The following SMYD3 variants were observed in gnomAD, a reference collection of about 807,000 sequenced individuals.
The protein encoded by SMYD3 is histone-lysine N-methyltransferase SMYD3.
In SMYD3, 36 loss-of-function variants were observed where a neutral mutation model predicts 57.7. The observed-to-expected ratio is 0.62, with a 90% confidence interval of 0.48 to 0.82. The LOEUF is 0.82. SMYD3 is among the 40% of genes least tolerant of loss of function. The pLI, the probability that SMYD3 is intolerant of heterozygous loss-of-function variation, is 0.00. For synonymous variants in SMYD3, 211 were observed against 195.0 expected (o/e 1.08, Z -0.68); for missense variants, 515 against 538.8 (o/e 0.96, Z 0.44).
chr1:246,156,122 T>C (rs567045454), intron 5 of SMYD3, among the ~76,000 whole-genome samples: 2 of 152,272 alleles, frequency 1.3e-5, no homozygotes, highest in East Asian at 3.9e-4. Flanking sequence ...TTGGCTCACA[T>C]ACCTAATTTG....
At chr1:245,983,237 T>C (rs2058637776) in intron 5 of SMYD3, among the ~76,000 whole-genome samples, 1 of 152,144 alleles carries the variant, frequency 6.6e-6, no homozygotes, top group Non-Finnish European at 1.5e-5. Context: ...GGGGTTGTGT[T>C]CCCATATTAG....
chr1:246,124,934 T>C (rs4654208), intron 5 of SMYD3, among the ~76,000 whole-genome samples: 76,139 of 151,742 alleles, frequency 0.5, 22,167 homozygotes, highest in Non-Finnish European at 0.67. Context: ...TAGCCGGGCG[T>C]GGTGGCGGGC....
At position 246,048,663 on chromosome 1, in the gene SMYD3, T is replaced by G. The variant is rs565304111; in HGVS notation, c.532-118726A>C. On this transcript the variant is annotated intron_variant, in intron 5 of 11. Coordinates refer to ENST00000490107, the MANE Select transcript of SMYD3 (RefSeq NM_001167740.2). ...TGGGCTTCACCACTTCCTAACCTTG[T>G]GAACTTCAGCAGCCTCCTTAAGTTC... Among the ~76,000 whole-genome samples, 86 of 152,272 alleles carry G rather than the reference T, an allele frequency of 5.6e-4. 1 individual carries two copies. The South Asian group carries it at 0.018, about 31-fold the overall frequency.
intron 5 of SMYD3, among the ~76,000 whole-genome samples, chr1:246,088,141 G>A (rs753342870): frequency 5.9e-5 from 9 of 152,098 alleles, no homozygotes; most frequent in Non-Finnish European, 1.2e-4. Flanking sequence ...ATGCACTTAT[G>A]AGCAGGAAAC....
chr1:245,894,064 A>T (rs2053576659), intron 8 of SMYD3, among the ~76,000 whole-genome samples: 1 of 152,222 alleles, frequency 6.6e-6, no homozygotes, highest in Non-Finnish European at 1.5e-5. Context: ...TGAGAGGTGA[A>T]GCCAGCTGGA....
chr1:246,304,720 G>A (rs1197629), intron 5 of SMYD3, among the ~76,000 whole-genome samples: 2,269 of 152,144 alleles, frequency 0.015, 31 homozygotes, highest in African/African-American at 0.035. Context: ...CAGCCTAATC[G>A]CTGTACAACT....
At chr1:245,950,196 T>C (rs568728588) in intron 5 of SMYD3, among the ~76,000 whole-genome samples, 3 of 152,274 alleles carry the variant, frequency 2.0e-5, no homozygotes, top group African/African-American at 7.2e-5. Flanking sequence ...AAGCCTGACC[T>C]AATACTGTTA....
intron 10 of SMYD3, among the ~76,000 whole-genome samples, chr1:245,773,634 T>C (rs1254244482): frequency 6.6e-6 from 1 of 152,210 alleles, no homozygotes; most frequent in Non-Finnish European, 1.5e-5. Context: ...AATGCTGTCC[T>C]TTTGCCTGTC....
At chr1:246,132,233 C>T (rs1035498200) in intron 5 of SMYD3, among the ~76,000 whole-genome samples, 3 of 152,012 alleles carry the variant, frequency 2.0e-5, no homozygotes, top group South Asian at 2.1e-4. Context: ...GATTGGAAGA[C>T]GGGCCTAAAC....
intron 5 of SMYD3, among the ~76,000 whole-genome samples, chr1:246,062,060 C>CA (rs2060263241): frequency 6.6e-6 from 1 of 152,060 alleles, no homozygotes; most frequent in South Asian, 2.1e-4. Context: ...AACCTCAAGC[C>CA]AAAACTTCAT....
At chr1:246,127,132 G>A (rs1447500449) in intron 5 of SMYD3, among the ~76,000 whole-genome samples, 1 of 152,070 alleles carries the variant, frequency 6.6e-6, no homozygotes, top group Non-Finnish European at 1.5e-5. Flanking sequence ...AATATCATTT[G>A]CTCATGATTA....
chr1:246,110,417 G>C (rs188519219), intron 5 of SMYD3, among the ~76,000 whole-genome samples: 17 of 152,354 alleles, frequency 1.1e-4, no homozygotes, highest in African/African-American at 3.4e-4. Flanking sequence ...AGAACACTCA[G>C]GGGGCTACGG....
At chr1:246,387,175 C>T (rs1333642685) in intron 1 of SMYD3, among the ~76,000 whole-genome samples, 3 of 152,102 alleles carry the variant, frequency 2.0e-5, no homozygotes, top group East Asian at 3.8e-4. Flanking sequence ...TTCTAACCAC[C>T]GCATGAGGCA....
At chr1:246,218,021 T>C (rs1323114255) in intron 5 of SMYD3, among the ~76,000 whole-genome samples, 1 of 147,442 alleles carries the variant, frequency 6.8e-6, no homozygotes, top group Non-Finnish European at 1.5e-5. Context: ...AAACAGAAAA[T>C]AAATAAACTA....
At chr1:245,943,091 GCAAA>G (rs2057308582) in intron 5 of SMYD3, among the ~76,000 whole-genome samples, 2 of 140,484 alleles carry the variant, frequency 1.4e-5, no homozygotes, top group Non-Finnish European at 3.0e-5. Flanking sequence ...AGAACCACGA[GCAAA>G]CAAACCCCAA....
chr1:245,765,072 A>G (rs2046016740), intron 10 of SMYD3, among the ~76,000 whole-genome samples: 1 of 151,264 alleles, frequency 6.6e-6, no homozygotes, highest in Non-Finnish European at 1.5e-5. Context: ...ACACACACAC[A>G]CACACAAAAC....
intron 1 of SMYD3, among the ~76,000 whole-genome samples, chr1:246,384,594 A>C (rs1317720722): frequency 6.6e-6 from 1 of 152,036 alleles, no homozygotes; most frequent in African/African-American, 2.4e-5. Flanking sequence ...ACAAGGTTTC[A>C]CCATGTTGGC....
chr1:245,917,263 C>G (rs1476737240), intron 7 of SMYD3, among the ~76,000 whole-genome samples: 1 of 152,220 alleles, frequency 6.6e-6, no homozygotes, highest in African/African-American at 2.4e-5. Context: ...AACTCCTGGG[C>G]TCAAGCAATC....
At chr1:246,255,319 T>A (rs1856691) in intron 5 of SMYD3, among the ~76,000 whole-genome samples, 8,821 of 149,970 alleles carry the variant, frequency 0.059, 425 homozygotes, top group African/African-American at 0.12. Context: ...TGGATCTTAT[T>A]ATAATAATAA....
Sources: gnomAD v4.1 joint callset for allele counts (sites outside exome capture counted in the v4.1 genomes callset) on GRCh38, gnomAD v4.1.1 for gene constraint, MANE v1.5 for transcripts, NCBI Gene and HGNC (gene_info 2026-07-23, HGNC 2026-07-21) for gene names.